The following RABGAP1L variants were observed in gnomAD, a reference collection of about 807,000 sequenced individuals.
RABGAP1L encodes RAB GTPase activating protein 1 like.
A neutral mutation model predicts 137.7 loss-of-function variants in RABGAP1L; 63 were observed. The observed-to-expected ratio is 0.46, with a 90% CI of 0.37 to 0.56. The LOEUF is 0.56. RABGAP1L is among the 20% of genes least tolerant of loss of function. RABGAP1L has a pLI of 0.00. For missense variants in RABGAP1L, 1,095 were observed against 1,244.0 expected, an observed-to-expected ratio of 0.88 and a Z score of 1.80; for synonymous variants, 431 against 433.7, an observed-to-expected ratio of 0.99 and a Z score of 0.08.
intron 19 of RABGAP1L, among the ~76,000 whole-genome samples, chr1:174,813,901 A>T: frequency 6.6e-6 from 1 of 152,236 alleles, no homozygotes; most frequent in East Asian, 1.9e-4. Context: ...TTAAAATAAA[A>T]TATTTATTTC....
At chr1:174,489,307 A>G (rs1026190342) in intron 13 of RABGAP1L, among the ~76,000 whole-genome samples, 2 of 152,198 alleles carry the variant, frequency 1.3e-5, no homozygotes, top group Non-Finnish European at 2.9e-5. Flanking sequence ...TCCAGAATCT[A>G]CAAAGAACTT....
intron 11 of RABGAP1L, among the ~76,000 whole-genome samples, chr1:174,334,592 T>C (rs1333277087): frequency 6.6e-6 from 1 of 152,190 alleles, no homozygotes; most frequent in Non-Finnish European, 1.5e-5. Context: ...TTGCTGTTCT[T>C]CCAACAAACA....
chr1:174,964,639 A>G (rs1455495614), intron 20 of RABGAP1L: 1 of 306,414 alleles, frequency 3.3e-6, no homozygotes, highest in South Asian at 6.5e-5. Context: ...AACACCTCAC[A>G]CCGTAGTTCC....
intron 13 of RABGAP1L, among the ~76,000 whole-genome samples, chr1:174,487,901 G>A (rs1018901919): frequency 6.6e-6 from 1 of 152,098 alleles, no homozygotes; most frequent in Non-Finnish European, 1.5e-5. Context: ...AAAGAAAACT[G>A]AGTGAAAACT....
intron 13 of RABGAP1L, among the ~76,000 whole-genome samples, chr1:174,451,515 TAAGGAAACGAA>T (rs1655444914): frequency 1.3e-5 from 2 of 152,292 alleles, no homozygotes; most frequent in Admixed American, 1.3e-4. Flanking sequence ...ACTCCAGAGA[TAAGGAAACGAA>T]AGAAAAATGA....
chr1:174,795,890 T>TA (rs1434418243), intron 18 of RABGAP1L, among the ~76,000 whole-genome samples: 1 of 152,200 alleles, frequency 6.6e-6, no homozygotes, highest in African/African-American at 2.4e-5. Flanking sequence ...CCCCAAGTAC[T>TA]AACCACTCCT....
chr1:174,801,414 A>G (rs1422491738), intron 18 of RABGAP1L, among the ~76,000 whole-genome samples: 1 of 152,160 alleles, frequency 6.6e-6, no homozygotes, highest in Non-Finnish European at 1.5e-5. Context: ...CCTTCACTAT[A>G]ATTCATCTCT....
intron 11 of RABGAP1L, among the ~76,000 whole-genome samples, chr1:174,314,298 C>T (rs1679159627): frequency 6.6e-6 from 1 of 152,154 alleles, no homozygotes; most frequent in Non-Finnish European, 1.5e-5. Flanking sequence ...CATTGGCATA[C>T]AGTTGCGCAT....
chr1:174,616,447 C>G (rs550852526), intron 13 of RABGAP1L, among the ~76,000 whole-genome samples: 1 of 152,272 alleles, frequency 6.6e-6, no homozygotes, highest in East Asian at 1.9e-4. Context: ...CTGATTTATT[C>G]AGTACTCATT....
chr1:174,171,698 A>G (rs1437933109), intron 1 of RABGAP1L, among the ~76,000 whole-genome samples: 1 of 140,700 alleles, frequency 7.1e-6, no homozygotes, highest in Non-Finnish European at 1.5e-5. Flanking sequence ...TTCAGCTTTA[A>G]AAAAAAAAAA....
At chr1:174,680,745 C>T (rs1678000890) in intron 14 of RABGAP1L, among the ~76,000 whole-genome samples, 1 of 151,792 alleles carries the variant, frequency 6.6e-6, no homozygotes, top group African/African-American at 2.4e-5. Flanking sequence ...TAGAAAAAAA[C>T]TTAGCTGGGT....
chr1:174,856,444 T>C (rs1234960456), intron 19 of RABGAP1L, among the ~76,000 whole-genome samples: 3 of 151,076 alleles, frequency 2.0e-5, no homozygotes, highest in Non-Finnish European at 4.4e-5. Flanking sequence ...CAACTTGTGC[T>C]CTTATTTTTA....
At chr1:174,415,244 C>G (rs1650413958) in intron 13 of RABGAP1L, among the ~76,000 whole-genome samples, 1 of 151,938 alleles carries the variant, frequency 6.6e-6, no homozygotes, top group East Asian at 1.9e-4. Flanking sequence ...TCCTTTTTCC[C>G]TGTATTAAAT....
intron 10 of RABGAP1L, among the ~76,000 whole-genome samples, chr1:174,301,171 G>T (rs762734743): frequency 1.3e-5 from 2 of 151,926 alleles, no homozygotes; most frequent in Non-Finnish European, 2.9e-5. Flanking sequence ...TCCAAGTGCT[G>T]ACACAGAAGC....
chr1:174,917,286 G>A (rs1197405315), intron 19 of RABGAP1L, among the ~76,000 whole-genome samples: 1 of 152,048 alleles, frequency 6.6e-6, no homozygotes, highest in Non-Finnish European at 1.5e-5. Context: ...GAAATTGGCA[G>A]GTTATGCTTC....
chr1:174,590,340 T>A (rs1408402752), intron 13 of RABGAP1L, among the ~76,000 whole-genome samples: 1 of 136,026 alleles, frequency 7.4e-6, no homozygotes, highest in Non-Finnish European at 1.6e-5. Flanking sequence ...TTTTTTCTTT[T>A]TTTTTTTATT....
At chr1:174,437,020 A>G (rs1202970146) in intron 13 of RABGAP1L, among the ~76,000 whole-genome samples, 1 of 152,252 alleles carries the variant, frequency 6.6e-6, no homozygotes, top group Non-Finnish European at 1.5e-5. Context: ...TGACTGTTAG[A>G]AGGAAAACTA....
At chr1:174,370,791 G>A (rs1158382703) in intron 11 of RABGAP1L, among the ~76,000 whole-genome samples, 188 bp from the exon 12 acceptor site, 1 of 151,618 alleles carries the variant, frequency 6.6e-6, no homozygotes, top group Non-Finnish European at 1.5e-5. Flanking sequence ...ATAAAAGTTT[G>A]TTCTTTTAAA....
chr1:174,800,600 TCTC>T (rs1408841993), intron 18 of RABGAP1L: 9 of 1,462,700 alleles, frequency 6.2e-6, no homozygotes, highest in Admixed American at 4.7e-5. Context: ...CTGGTTTTCT[TCTC>T]CTTCTCCCCA....
Sources: allele counts gnomAD v4.1 joint callset (sites outside exome capture counted in the v4.1 genomes callset), GRCh38; gene constraint gnomAD v4.1.1; transcripts MANE v1.5; gene names NCBI Gene and HGNC (gene_info 2026-07-23, HGNC 2026-07-21).